MAF: variants seen among roughly 807,000 people sequenced by gnomAD.
MAF encodes the protein MAF bZIP transcription factor.
Under a neutral mutation model 22.0 loss-of-function variants are expected in MAF, and 10 were observed. The ratio of observed to expected loss-of-function variants is 0.45; its 90% CI spans 0.28 to 0.77. MAF has a LOEUF of 0.77. MAF is among the 30% of genes least tolerant of loss of function. MAF has a pLI of 0.12. For synonymous variants in MAF, 337 were observed against 255.8 expected (o/e 1.32, Z -3.03); for missense variants, 544 against 548.4 (o/e 0.99, Z 0.08).
chr16:79,568,798 C>T, the MAF span, among the ~76,000 whole-genome samples: 1 of 152,154 alleles, frequency 6.6e-6, no homozygotes, highest in Non-Finnish European at 1.5e-5. Context: ...AGAATCAAGG[C>T]CTGTGTAAAC....
At chr16:79,253,657 C>G in the MAF span, among the ~76,000 whole-genome samples, 1 of 152,090 alleles carries the variant, frequency 6.6e-6, no homozygotes. Flanking sequence ...TTGGGCTCCA[C>G]TGAGCTCCCT....
the MAF span, among the ~76,000 whole-genome samples, chr16:79,415,374 G>A: frequency 8.6e-5 from 13 of 151,620 alleles, no homozygotes; most frequent in African/African-American, 3.2e-4. Flanking sequence ...AAGGAGGAAG[G>A]AGGGAGCAAG....
the MAF span, among the ~76,000 whole-genome samples, chr16:79,472,397 C>A: frequency 6.6e-6 from 1 of 152,092 alleles, no homozygotes; most frequent in African/African-American, 2.4e-5. Flanking sequence ...TAAAGGGATA[C>A]CCAAGATATG....
chr16:79,481,268 C>G, the MAF span, among the ~76,000 whole-genome samples: 4 of 151,324 alleles, frequency 2.6e-5, no homozygotes. Context: ...TGAGATACAA[C>G]TTATATATGT....
chr16:79,501,084 C>T, the MAF span, among the ~76,000 whole-genome samples: 7 of 152,152 alleles, frequency 4.6e-5, no homozygotes, highest in Non-Finnish European at 1.0e-4. Flanking sequence ...TGTATTCCCT[C>T]CCAGTTCTAG....
chr16:79,480,785 AATG>A, the MAF span, among the ~76,000 whole-genome samples: 9 of 152,270 alleles, frequency 5.9e-5, no homozygotes, highest in Admixed American at 2.0e-4. Context: ...TAGAATAGAT[AATG>A]ATGTGTTCAT....
chr16:79,480,322 T>A, the MAF span, among the ~76,000 whole-genome samples: 1 of 105,962 alleles, frequency 9.4e-6, no homozygotes, highest in Non-Finnish European at 2.1e-5. Context: ...TGAGTTGAAA[T>A]ACAATTTTTT....
At chr16:79,583,770 A>G (rs1325759509), downstream of MAF, among the ~76,000 whole-genome samples, 2 of 151,832 alleles carry the variant, frequency 1.3e-5, no homozygotes, top group East Asian at 1.9e-4. Flanking sequence ...GCGCGAGGTT[A>G]AAACATCATC....
At chr16:79,213,780 A>G in the MAF span, among the ~76,000 whole-genome samples, 1 of 111,080 alleles carries the variant, frequency 9.0e-6, no homozygotes, top group South Asian at 2.4e-4. Context: ...CATTTCACTC[A>G]CAGCAATGCA....
chr16:79,309,567 A>G, the MAF span, among the ~76,000 whole-genome samples: 1 of 152,222 alleles, frequency 6.6e-6, no homozygotes, highest in Admixed American at 6.5e-5. Context: ...CAAATATTTC[A>G]TTTTTAAAGG....
the MAF span, among the ~76,000 whole-genome samples, chr16:79,208,309 T>G: frequency 6.6e-6 from 1 of 151,996 alleles, no homozygotes; most frequent in African/African-American, 2.4e-5. Context: ...TGCTGCGGGA[T>G]AGACACCTCC....
chr16:79,581,955 T>C (rs1184726793), downstream of MAF, among the ~76,000 whole-genome samples: 1 of 152,232 alleles, frequency 6.6e-6, no homozygotes, highest in Non-Finnish European at 1.5e-5. Flanking sequence ...CATTTGGTAT[T>C]AGTTCCTATG....
the MAF span, among the ~76,000 whole-genome samples, chr16:79,491,430 T>C: frequency 5.9e-5 from 9 of 152,288 alleles, no homozygotes; most frequent in East Asian, 1.7e-3. Flanking sequence ...TCTTCTTTGT[T>C]GAACACAAGA....
the MAF span, among the ~76,000 whole-genome samples, chr16:79,221,097 G>A: frequency 6.6e-6 from 1 of 152,222 alleles, no homozygotes; most frequent in African/African-American, 2.4e-5. Context: ...TTGTTCTGCT[G>A]CTTCAGAACC....
the MAF span, among the ~76,000 whole-genome samples, chr16:79,525,324 T>G: frequency 6.6e-6 from 1 of 152,194 alleles, no homozygotes; most frequent in African/African-American, 2.4e-5. Flanking sequence ...AACAGTGAAT[T>G]CCTTTCTGAC....
the MAF span, among the ~76,000 whole-genome samples, chr16:79,566,834 T>C: frequency 1.8e-4 from 28 of 152,326 alleles, no homozygotes; most frequent in Non-Finnish European, 3.4e-4. Flanking sequence ...ACCCTGTGGT[T>C]TGATTTCCAA....
the MAF span, among the ~76,000 whole-genome samples, chr16:79,323,016 G>A: frequency 6.6e-6 from 1 of 151,588 alleles, no homozygotes; most frequent in Non-Finnish European, 1.5e-5. Context: ...CAGGCTTGGT[G>A]GCAAGCGCCT....
the MAF span, among the ~76,000 whole-genome samples, chr16:79,482,044 C>T: frequency 0.017 from 2,637 of 152,134 alleles, 68 homozygotes; most frequent in African/African-American, 0.06. Context: ...ATGAGGCCTG[C>T]AGGGGTTCGG....
the MAF span, among the ~76,000 whole-genome samples, chr16:79,503,003 G>T: frequency 4.6e-5 from 7 of 151,840 alleles, no homozygotes; most frequent in African/African-American, 1.5e-4. Flanking sequence ...AAGGAATTGG[G>T]TCAAAGTATG....
Sources: gnomAD v4.1 joint callset for allele counts (sites outside exome capture counted in the v4.1 genomes callset) on GRCh38, gnomAD v4.1.1 for gene constraint, MANE v1.5 for transcripts, NCBI Gene and HGNC (gene_info 2026-07-23, HGNC 2026-07-21) for gene names.